The following SRRM1 variants were observed in gnomAD, a reference collection of about 807,000 sequenced individuals.
The protein encoded by SRRM1 is serine/arginine repetitive matrix protein 1.
Under a neutral mutation model 110.2 loss-of-function variants are expected in SRRM1, and 19 were observed. The observed-to-expected ratio is 0.17, with a 90% CI of 0.12 to 0.25. SRRM1 has a LOEUF of 0.25. SRRM1 is among the 10% of genes least tolerant of loss of function. The pLI, the probability that SRRM1 is intolerant of heterozygous loss-of-function variation, is 1.00. For missense variants in SRRM1, 918 were observed against 1,145.8 expected (o/e 0.80, Z 2.87); for synonymous variants, 443 against 414.9 (o/e 1.07, Z -0.82).
chr1:24,655,068 G>T lies in SRRM1; in HGVS notation c.1254G>T (p.Gln418His). ...PPKTRHSPTP[Q>H]QSNRTRKSRV... is the part of the protein sequence containing the mutation. ...AAACTCGGCATTCCCCTACACCCCA[G>T]CAGTCAAACCGTACAAGAAAAAGTC... The change falls in exon 9 of 17, where the codon CAG becomes CAT. Residue 418 changes from glutamine (Q) to histidine (H), a missense_variant. Coordinates refer to ENST00000323848, the MANE Select transcript of SRRM1 (RefSeq NM_005839.4). The T allele has an allele frequency of 6.2e-7, 1 of 1,614,160 alleles. No individual in the cohort carries two copies.
intron 12 of SRRM1, chr1:24,663,268 A>G: frequency 7.0e-7 from 1 of 1,436,374 alleles, no homozygotes; most frequent in Non-Finnish European, 9.4e-7. Flanking sequence ...CATGTCAAAA[A>G]TTGTAGTGAC....
chr1:24,664,227 G>T (rs193135039), intron 12 of SRRM1, among the ~76,000 whole-genome samples: 1 of 152,128 alleles, frequency 6.6e-6, no homozygotes, highest in East Asian at 1.9e-4. Flanking sequence ...AACTCCTAAA[G>T]TCAGGTGATC....
chr1:24,654,372 C>T (rs912120096), intron 8 of SRRM1: 5 of 1,288,354 alleles, frequency 3.9e-6, no homozygotes, highest in Non-Finnish European at 5.1e-6. Context: ...GAACTTAACA[C>T]AAATTTTGCC....
chr1:24,662,638 T>A (rs1667870397), intron 11 of SRRM1, 22 bp from the exon 12 acceptor site: 2 of 1,608,804 alleles, frequency 1.2e-6, no homozygotes, highest in Admixed American at 1.7e-5. Context: ...AATGTAATAT[T>A]TTTTTAATTT....
At position 24,672,481 on chromosome 1, in the gene SRRM1, T is replaced by C; in HGVS notation, c.*195T>C. On this transcript the variant is annotated 3_prime_UTR_variant, in exon 17 of 17. Transcript: ENST00000323848. ...ACAGTGTATTAGTGACATTCTTTCA[T>C]TGACAGCTGACATAATTCATTGAGT... The C allele has an allele frequency of 2.9e-6, 1 of 342,662 alleles. No homozygotes were observed. The highest frequency in any genetic ancestry group is 5.4e-6 in the Non-Finnish European group (1 of 184,556). The allele number at this position is 342,662 out of a possible 1,614,324, so 21.2% of individuals were successfully genotyped here. A position where few individuals can be genotyped will look rare whatever the true frequency, so the allele number is the denominator to read the frequency against.
intron 12 of SRRM1, among the ~76,000 whole-genome samples, chr1:24,663,539 T>C (rs557869547): frequency 1.3e-5 from 2 of 152,270 alleles, no homozygotes; most frequent in East Asian, 1.9e-4. Context: ...TGGATACTTT[T>C]CCAGAGATAG....
rs4648871 is a variant in SRRM1 at position 24,646,078 on chromosome 1, T to G, written c.111+5T>G. 2.5e-6 allele frequency: 4 copies of G among 1,607,112 alleles called. No individual in the cohort carries two copies. In the Admixed American group the frequency reaches 5.0e-5, roughly 20 times the overall value. ...GCAGAATGCCTAGAAAAAAAGGTATTCTTCTGGATGAGACTGTTGTGCATC... is the reference window on the plus strand; with the variant it reads ...GCAGAATGCCTAGAAAAAAAGGTATGCTTCTGGATGAGACTGTTGTGCATC... On this transcript the variant is annotated splice_donor_5th_base_variant and intron_variant, in intron 2 of 16. Coordinates refer to ENST00000323848, the MANE Select transcript of SRRM1 (RefSeq NM_005839.4).
At chr1:24,644,339 G>A (rs917823597) in intron 1 of SRRM1, among the ~76,000 whole-genome samples, 1 of 152,146 alleles carries the variant, frequency 6.6e-6, no homozygotes, top group African/African-American at 2.4e-5. Flanking sequence ...GTCTCTCAGG[G>A]CTTGCAAACT....
intron 3 of SRRM1, 21 bp downstream of exon 3, chr1:24,646,810 C>T (rs758411001): frequency 1.3e-6 from 2 of 1,549,882 alleles, no homozygotes; most frequent in Non-Finnish European, 8.7e-7. Flanking sequence ...ACAAATGGCT[C>T]TTGTTTCTGA....
At chr1:24,669,053 A>G (rs1671452466) in intron 13 of SRRM1, 70 bp from the exon 14 acceptor site, 3 of 1,335,328 alleles carry the variant, frequency 2.2e-6, no homozygotes, top group Non-Finnish European at 3.1e-6. Context: ...AGCCAAACCT[A>G]CTGATTACTT....
chr1:24,650,495 C>G (rs1660028785), intron 5 of SRRM1: 1 of 152,528 alleles, frequency 6.6e-6, no homozygotes, highest in African/African-American at 2.4e-5. Flanking sequence ...ACCTAATTCC[C>G]TGTTCTGCTT....
At chr1:24,662,265 TG>T (rs1282419323) in intron 11 of SRRM1, among the ~76,000 whole-genome samples, 3 of 152,164 alleles carry the variant, frequency 2.0e-5, no homozygotes, top group African/African-American at 7.2e-5. Context: ...CTGGCCAACA[TG>T]GCAAAACCTT....
intron 12 of SRRM1, among the ~76,000 whole-genome samples, chr1:24,664,759 G>A (rs1026160610): frequency 4.6e-5 from 7 of 152,178 alleles, no homozygotes; most frequent in Non-Finnish European, 8.8e-5. Context: ...GGCTGCTAAA[G>A]CATTCCTTTC....
intron 9 of SRRM1, among the ~76,000 whole-genome samples, chr1:24,659,507 G>A (rs556505402): frequency 2.0e-3 from 299 of 152,274 alleles, no homozygotes; most frequent in African/African-American, 7.0e-3. Context: ...GGTGTTTTAG[G>A]TTAATTTATG....
At chr1:24,659,933 T>G (rs905851793) in intron 9 of SRRM1, among the ~76,000 whole-genome samples, 3 of 152,244 alleles carry the variant, frequency 2.0e-5, no homozygotes, top group African/African-American at 7.2e-5. Flanking sequence ...ATTTAATCAT[T>G]TTTACTATTT....
intron 12 of SRRM1, 170 bp downstream of exon 12, chr1:24,662,974 T>A (rs1263061412): frequency 2.0e-6 from 2 of 1,009,468 alleles, no homozygotes; most frequent in Non-Finnish European, 2.9e-6. Flanking sequence ...TTATTGGTGG[T>A]TATTAATAAT....
At chr1:24,649,177 C>T (rs1200330748) in intron 4 of SRRM1, 148 bp downstream of exon 4, 6 of 623,840 alleles carry the variant, frequency 9.6e-6, no homozygotes, top group East Asian at 3.0e-5. Context: ...GTTCACTGCT[C>T]CTCCCTCCAA....
intron 5 of SRRM1, among the ~76,000 whole-genome samples, chr1:24,650,908 CCT>C (rs551868101): frequency 3.3e-5 from 5 of 152,136 alleles, no homozygotes; most frequent in Non-Finnish European, 5.9e-5. Context: ...GAGGGCTTCT[CCT>C]CTCGCAAAAA....
At position 24,651,287 on chromosome 1, in the gene SRRM1, A is replaced by G. The variant is rs1193354087; in HGVS notation, c.522-122A>G. Reference sequence around the variant, plus strand: ...GATTAGGTTAGCATGTCTTATTTCCATAGGGAAACATCTCAGATATAAACA... The same window carrying G: ...GATTAGGTTAGCATGTCTTATTTCCGTAGGGAAACATCTCAGATATAAACA... On this transcript the variant is annotated intron_variant, in intron 5 of 16. Transcript: ENST00000323848. The G allele has an allele frequency of 1.2e-5, 9 of 764,870 alleles. No individual in the cohort carries two copies. The African/African-American group carries it at 1.2e-4, about 11-fold the overall frequency. The allele number at this position is 764,870 out of a possible 1,614,324, so 47.4% of individuals were successfully genotyped here. A position where few individuals can be genotyped will look rare whatever the true frequency, so the allele number is the denominator to read the frequency against.
Sources: allele counts gnomAD v4.1 joint callset (sites outside exome capture counted in the v4.1 genomes callset), GRCh38; gene constraint gnomAD v4.1.1; transcripts MANE v1.5; gene names NCBI Gene and HGNC (gene_info 2026-07-23, HGNC 2026-07-21).